Variants in ZCCHC17 observed in about 807,000 individuals in gnomAD.
The protein encoded by ZCCHC17 is zinc finger CCHC-type containing 17.
Under a neutral mutation model 30.6 loss-of-function variants are expected in ZCCHC17, and 18 were observed. That is an observed-to-expected ratio of 0.59 (90% confidence interval 0.41 to 0.87). ZCCHC17 has a LOEUF of 0.87. Ranked by LOEUF, ZCCHC17 falls within the 40% of genes least tolerant of loss-of-function variation. The pLI is 0.00. For missense variants in ZCCHC17, 263 were observed against 284.2 expected (o/e 0.93, Z 0.54); for synonymous variants, 88 against 92.4 (o/e 0.95, Z 0.27).
At chr1:31,348,018 CCT>C (rs3049349) in intron 6 of ZCCHC17, among the ~76,000 whole-genome samples, 82,181 of 151,768 alleles carry the variant, frequency 0.54, 23,113 homozygotes, top group Non-Finnish European at 0.62. Context: ...TTAAAGGGCC[CCT>C]CAGTACCACT....
chr1:31,318,325 TG>T, intron 2 of ZCCHC17: 2 of 1,103,272 alleles, frequency 1.8e-6, no homozygotes, highest in South Asian at 3.0e-5. Context: ...ATCCACAGGT[TG>T]GGGGATGGGG....
At position 31,341,194 on chromosome 1, in the gene ZCCHC17, T is replaced by G. The variant is rs752002977; in HGVS notation, c.317+2146T>G. On this transcript the variant is annotated intron_variant, in intron 5 of 7. Transcript: ENST00000344147. ...TTTCATATTTCTGTGGTTTAGTCTCTAAATATTAACATGTTTGTAAGGCTG... is the reference window on the plus strand; with the variant it reads ...TTTCATATTTCTGTGGTTTAGTCTCGAAATATTAACATGTTTGTAAGGCTG... 1.6e-4 allele frequency among the ~76,000 whole-genome samples: 24 copies of G among 152,250 alleles called. 1 individual carries two copies. The highest frequency in any genetic ancestry group is 3.5e-4 in the Non-Finnish European group (24 of 68,046).
intron 2 of ZCCHC17, among the ~76,000 whole-genome samples, chr1:31,310,664 T>C (rs1646578467): frequency 6.6e-6 from 1 of 152,260 alleles, no homozygotes; most frequent in African/African-American, 2.4e-5. Context: ...ACCTTGCTCT[T>C]GGACTTTCCA....
rs1181438551 is a variant in ZCCHC17, at chr1:31,337,184, A to G, written c.134A>G (p.His45Arg). The G allele has an allele frequency of 2.5e-6, 4 of 1,614,038 alleles. No individual in the cohort carries two copies. Among genetic ancestry groups the G allele is most frequent in the African/African-American group, 1.3e-5 (1 of 75,024 alleles). The change falls in exon 4 of 8, where the codon CAT becomes CGT. Residue 45 changes from histidine (H) to arginine (R), a missense_variant. Coordinates refer to ENST00000344147, the MANE Select transcript of ZCCHC17 (RefSeq NM_016505.4). ...TTCTTCTTGTGCCCAGGTCTGGTCC[A>G]TCGAACTCATATGTCATCCTGTCGG... Reference protein sequence around the residue: ...IPGCRKQGLVHRTHMSSCRVD... With the variant: ...IPGCRKQGLVRRTHMSSCRVD...
chr1:31,346,614 G>T, intron 5 of ZCCHC17, 26 bp from the exon 6 acceptor site: 2 of 1,588,638 alleles, frequency 1.3e-6, no homozygotes, highest in South Asian at 1.1e-5. Flanking sequence ...TAAGGGGGCC[G>T]GCAGTCGGTA....
Position 31,319,301 on chromosome 1 carries a change from T to C in ZCCHC17, c.124+135T>C, listed in dbSNP as rs887634232. 5.9e-6 allele frequency: 4 copies of C among 677,846 alleles called. No individual in the cohort carries two copies. In the African/African-American group the frequency reaches 7.2e-5, roughly 12 times the overall value. 42.0% of individuals were successfully genotyped at this position (677,846 alleles called of 1,614,324 possible). ...TTGTTTTCTTTTTAATGTATAGATA[T>C]GAATACAAGATGACAGTTCATTTTT... is the stretch of plus-strand genomic sequence containing the variant. On this transcript the variant is annotated intron_variant, in intron 3 of 7. Coordinates refer to ENST00000344147, the MANE Select transcript of ZCCHC17 (RefSeq NM_016505.4).
At chr1:31,328,088 G>C (rs1046557088) in intron 3 of ZCCHC17, among the ~76,000 whole-genome samples, 3 of 152,196 alleles carry the variant, frequency 2.0e-5, no homozygotes, top group Non-Finnish European at 4.4e-5. Context: ...AAATTGTGAA[G>C]AAGGAAAAAT....
At chr1:31,343,910 A>C (rs1569884021) in intron 5 of ZCCHC17, among the ~76,000 whole-genome samples, 1 of 134,564 alleles carries the variant, frequency 7.4e-6, no homozygotes, top group Admixed American at 8.2e-5. Flanking sequence ...GGCTGGAGGC[A>C]GTGGCACGAT....
Position 31,337,196 on chromosome 1 carries a change from T to C in ZCCHC17, c.146T>C (p.Met49Thr), listed in dbSNP as rs1638854665. The change falls in exon 4 of 8, where the codon ATG (methionine) becomes ACG (threonine). Residue 49 changes from methionine (M) to threonine (T), a missense_variant. Physicochemically the swap from Met to Thr is moderately conservative, Grantham distance 81. Coordinates refer to ENST00000344147, the MANE Select transcript of ZCCHC17 (RefSeq NM_016505.4). ...RKQGLVHRTH[M>T]SSCRVDKPSE... ...CCAGGTCTGGTCCATCGAACTCATA[T>C]GTCATCCTGTCGGGTGGATAAGCCC... 2 of 1,614,140 alleles carry C rather than the reference T, an allele frequency of 1.2e-6. No homozygotes were observed. The highest frequency in any genetic ancestry group is 1.7e-6 in the Non-Finnish European group (2 of 1,180,022).
intron 1 of ZCCHC17, among the ~76,000 whole-genome samples, chr1:31,297,811 A>G (rs1243573360): frequency 6.6e-6 from 1 of 152,202 alleles, no homozygotes; most frequent in Non-Finnish European, 1.5e-5. Flanking sequence ...TGAAGGCAGA[A>G]CCTTCCATAG....
In ZCCHC17 at chr1:31,352,596, G is replaced by T. The variant is rs115747111; in HGVS notation, c.564+3622G>T. Among the ~76,000 whole-genome samples, 1,013 of 152,202 alleles carry T rather than the reference G, an allele frequency of 6.7e-3. 15 individuals carry two copies. Among genetic ancestry groups the T allele is most frequent in the African/African-American group, 0.023 (948 of 41,522 alleles). ...CCTCCTGGGCTCAAGTGATCCAGGAGTGTGCCACCACACCCAGCTAATTTA... is the reference window on the plus strand; with the variant it reads ...CCTCCTGGGCTCAAGTGATCCAGGATTGTGCCACCACACCCAGCTAATTTA... On this transcript the variant is annotated intron_variant, in intron 7 of 7. Transcript: ENST00000344147.
intron 1 of ZCCHC17, among the ~76,000 whole-genome samples, chr1:31,305,002 C>T (rs1646416304): frequency 6.6e-6 from 1 of 152,186 alleles, no homozygotes; most frequent in South Asian, 2.1e-4. Flanking sequence ...ACAGTAGGCA[C>T]CCTTGCAGTA....
At chr1:31,351,246 A>G (rs1639458691) in intron 7 of ZCCHC17, among the ~76,000 whole-genome samples, 1 of 152,166 alleles carries the variant, frequency 6.6e-6, no homozygotes, top group Non-Finnish European at 1.5e-5. Context: ...TCAGTCACCA[A>G]GTCCTGGCAG....
intron 7 of ZCCHC17, among the ~76,000 whole-genome samples, chr1:31,349,625 A>G (rs1639398414): frequency 2.0e-5 from 3 of 152,116 alleles, no homozygotes; most frequent in Admixed American, 2.0e-4. Context: ...GAGCCACGAC[A>G]CCCGTCCACT....
chr1:31,323,340 G>C (rs78502063), intron 3 of ZCCHC17, among the ~76,000 whole-genome samples: 3 of 145,478 alleles, frequency 2.1e-5, no homozygotes, highest in African/African-American at 7.7e-5. Flanking sequence ...TTTTTTTTTT[G>C]AGACGGAGTC....
chr1:31,360,380 G>T (rs143473964), intron 7 of ZCCHC17, among the ~76,000 whole-genome samples: 408 of 152,340 alleles, frequency 2.7e-3, no homozygotes, highest in African/African-American at 9.7e-3. Flanking sequence ...TGTTGGTCAG[G>T]CTAGTCTCGA....
At chr1:31,359,354 T>TA (rs1437250546) in intron 7 of ZCCHC17, among the ~76,000 whole-genome samples, 9 of 150,262 alleles carry the variant, frequency 6.0e-5, no homozygotes, top group East Asian at 2.0e-4. Flanking sequence ...CGACTCTAGT[T>TA]AAAAAAAAAT....
chr1:31,318,191 C>A, intron 2 of ZCCHC17: 1 of 1,535,126 alleles, frequency 6.5e-7, no homozygotes, highest in South Asian at 1.2e-5. Flanking sequence ...AAACAGTGCT[C>A]AAGATGAAGC....
intron 3 of ZCCHC17, among the ~76,000 whole-genome samples, chr1:31,333,509 T>A (rs1638677541): frequency 6.6e-6 from 1 of 151,896 alleles, no homozygotes; most frequent in African/African-American, 2.4e-5. Context: ...GGTGACAGAG[T>A]GAGACTCCAT....
Sources: gnomAD v4.1 joint callset for allele counts (sites outside exome capture counted in the v4.1 genomes callset) on GRCh38, gnomAD v4.1.1 for gene constraint, MANE v1.5 for transcripts, NCBI Gene and HGNC (gene_info 2026-07-23, HGNC 2026-07-21) for gene names.